Variants in MAP3K2 observed in about 807,000 individuals in gnomAD.
The protein encoded by MAP3K2 is MAP/ERK kinase kinase 2.
MAP3K2 carries 24 observed loss-of-function variants against 80.3 expected under a neutral mutation model. That is an observed-to-expected ratio of 0.30 (90% CI 0.22 to 0.42). The LOEUF (loss-of-function observed/expected upper bound fraction) is 0.42. MAP3K2 is among the 10% of genes least tolerant of loss of function. The pLI is 1.00. For missense variants in MAP3K2, 608 were observed against 750.1 expected, an observed-to-expected ratio of 0.81 and a Z score of 2.21; for synonymous variants, 244 against 253.7, an observed-to-expected ratio of 0.96 and a Z score of 0.36.
rs1331909042 is a variant in MAP3K2 at position 127,299,694 on chromosome 2, G to T, written c.*7885C>A. 1.3e-5 allele frequency: 2 copies of T among 151,956 alleles called. No individual in the cohort carries two copies. The highest frequency in any genetic ancestry group is 2.9e-5 in the Non-Finnish European group (2 of 67,982). The allele number at this position is 151,956 out of a possible 1,614,324, so 9.4% of individuals were successfully genotyped here. ...TTTTTCTTGCAAGAGTATTTTAATT[G>T]AGCTCTAAGTATGACTTGCATTCAA... On this transcript the variant is annotated 3_prime_UTR_variant, in exon 17 of 17. Transcript: ENST00000682094.
At chr2:127,377,690 A>G (rs1398218292) in intron 1 of MAP3K2, among the ~76,000 whole-genome samples, 1 of 152,234 alleles carries the variant, frequency 6.6e-6, no homozygotes, top group Non-Finnish European at 1.5e-5. Context: ...ACAGTAGACA[A>G]TCAAATATTA....
chr2:127,351,753 G>T (rs145880700), intron 1 of MAP3K2, among the ~76,000 whole-genome samples: 1 of 152,196 alleles, frequency 6.6e-6, no homozygotes, highest in African/African-American at 2.4e-5. Context: ...AAGTAAGTCA[G>T]AGAATGTTAA....
rs1685755763 is a variant in MAP3K2, at chr2:127,308,727, T to G, written c.1492A>C (p.Lys498Gln). ...NILRDSTGNVKLGDFGASKRL... is the reference protein window; with the variant it reads ...NILRDSTGNVQLGDFGASKRL... ...TTGCTGGCCCCAAAATCTCCTAGTT[T>G]GACGTTGCCTGTTGAATCTCGCAGG... is the stretch of plus-strand genomic sequence containing the variant. The change falls in exon 16 of 17, where the codon AAA becomes CAA. Residue 498 changes from lysine (K) to glutamine (Q), a missense_variant. Lys to Gln is a moderately conservative substitution (Grantham distance 53). Coordinates refer to ENST00000682094, the MANE Select transcript of MAP3K2 (RefSeq NM_001371910.2). 1 of 1,613,868 alleles carries G rather than the reference T, an allele frequency of 6.2e-7. No homozygotes were observed. Among genetic ancestry groups the G allele is most frequent in the Non-Finnish European group, 8.5e-7 (1 of 1,179,816 alleles).
chr2:127,367,937 C>A (rs1475794967), intron 1 of MAP3K2, among the ~76,000 whole-genome samples: 2 of 152,210 alleles, frequency 1.3e-5, no homozygotes, highest in Admixed American at 6.5e-5. Flanking sequence ...TAGGAGCATC[C>A]AACTACAGTC....
chr2:127,347,708 G>A (rs571424319), intron 1 of MAP3K2, among the ~76,000 whole-genome samples: 1 of 152,162 alleles, frequency 6.6e-6, no homozygotes, highest in Admixed American at 6.5e-5. Context: ...AAATTCCAAT[G>A]GCCTCTTTTA....
rs976701874 is a variant in MAP3K2 at position 127,323,887 on chromosome 2, T to G, written c.838+15A>C. 13 of 1,293,036 alleles carry G rather than the reference T, an allele frequency of 1.0e-5. No individual in the cohort carries two copies. The highest frequency in any genetic ancestry group is 1.2e-5 in the Non-Finnish European group (11 of 931,922). The allele number at this position is 1,293,036 out of a possible 1,614,324, so 80.1% of individuals were successfully genotyped here. ...TTTTTTAACTATTCTTGTGGTCTAA[T>G]TGCTAGAAACTTACCATCATTATAC... is the stretch of plus-strand genomic sequence containing the variant. On this transcript the variant is annotated intron_variant, in intron 11 of 16. Coordinates refer to ENST00000682094, the MANE Select transcript of MAP3K2 (RefSeq NM_001371910.2).
intron 1 of MAP3K2, among the ~76,000 whole-genome samples, chr2:127,375,668 A>G (rs1334281911): frequency 3.9e-5 from 6 of 152,088 alleles, no homozygotes; most frequent in Non-Finnish European, 8.8e-5. Context: ...TCAGCCTCCC[A>G]AAGTGCTGGG....
At chr2:127,365,891 T>C (rs371626680) in intron 1 of MAP3K2, among the ~76,000 whole-genome samples, 2 of 152,242 alleles carry the variant, frequency 1.3e-5, no homozygotes, top group East Asian at 3.8e-4. Context: ...TATTCCATAA[T>C]ATCATAGTAG....
At chr2:127,374,417 C>G (rs1687116237) in intron 1 of MAP3K2, among the ~76,000 whole-genome samples, 1 of 152,158 alleles carries the variant, frequency 6.6e-6, no homozygotes, top group South Asian at 2.1e-4. Flanking sequence ...ACATCACTGC[C>G]TGACCAAGCC....
chr2:127,356,282 G>A (rs906840050), intron 1 of MAP3K2, among the ~76,000 whole-genome samples: 3 of 152,054 alleles, frequency 2.0e-5, no homozygotes, highest in Non-Finnish European at 4.4e-5. Flanking sequence ...TGATCCGATT[G>A]ATCAGAACAA....
chr2:127,376,714 T>C (rs1687158964), intron 1 of MAP3K2, among the ~76,000 whole-genome samples: 1 of 152,106 alleles, frequency 6.6e-6, no homozygotes, highest in African/African-American at 2.4e-5. Context: ...TTTAAGCCAC[T>C]GAGATATTGG....
At chr2:127,326,844 A>G (rs1686150728) in intron 7 of MAP3K2, 27 bp from the exon 8 acceptor site, 1 of 1,478,016 alleles carries the variant, frequency 6.8e-7, no homozygotes, top group Admixed American at 2.2e-5. Context: ...AATGTAATTT[A>G]TAATTATAGG....
chr2:127,341,372 TG>T (rs1344073693), intron 2 of MAP3K2, among the ~76,000 whole-genome samples: 3 of 151,954 alleles, frequency 2.0e-5, no homozygotes, highest in Non-Finnish European at 4.4e-5. Context: ...TGGGGCCAGT[TG>T]AACAAAACTT....
intron 10 of MAP3K2, 32 bp downstream of exon 10, chr2:127,324,142 C>A: frequency 7.1e-7 from 1 of 1,417,048 alleles, no homozygotes; most frequent in Non-Finnish European, 9.6e-7. Flanking sequence ...ATGACATAAA[C>A]ATTTAAACAT....
Position 127,324,158 on chromosome 2 carries a change from A to C in MAP3K2, c.745+16T>G. ...TGACATAAACATTTAAACATTTAGA[A>C]TTTATAAAGTCTAACCTGAAAATTC... On this transcript the variant is annotated intron_variant, in intron 10 of 16. Coordinates refer to ENST00000682094, the MANE Select transcript of MAP3K2 (RefSeq NM_001371910.2). 1 of 1,499,322 alleles carries C rather than the reference A, an allele frequency of 6.7e-7. No homozygotes were observed. The highest frequency in any genetic ancestry group is 9.0e-7 in the Non-Finnish European group (1 of 1,116,088). 92.9% of individuals were successfully genotyped at this position (1,499,322 alleles called of 1,614,324 possible).
At chr2:127,366,982 C>T (rs562225833) in intron 1 of MAP3K2, among the ~76,000 whole-genome samples, 29 of 151,506 alleles carry the variant, frequency 1.9e-4, no homozygotes, top group Admixed American at 3.3e-4. Flanking sequence ...GCCAATCTCC[C>T]GCCTCAGCCT....
At chr2:127,368,258 G>A (rs1687006021) in intron 1 of MAP3K2, among the ~76,000 whole-genome samples, 1 of 151,234 alleles carries the variant, frequency 6.6e-6, no homozygotes, top group South Asian at 2.1e-4. Flanking sequence ...GAAGGCAGAG[G>A]CTGCAGTGAG....
chr2:127,307,762 C>T lies in MAP3K2; in HGVS notation c.1677G>A (p.Pro559=), dbSNP rs373785879. ...CTVVEMLTEK[P]PWAEFEAMAA... ...CCATTGCTTCAAATTCAGCCCAAGG[C>T]GGCTTTTCAGTTAGCATTTCTACCA... Residue 559 remains proline, a synonymous_variant, in exon 17 of 17, where the codon CCG becomes CCA. Coordinates refer to ENST00000682094, the MANE Select transcript of MAP3K2 (RefSeq NM_001371910.2). The surrounding 1 kb of genome is among the most constrained non-coding windows in gnomAD (Gnocchi z 5.4). The T allele has an allele frequency of 1.6e-5, 26 of 1,595,588 alleles. No individual in the cohort carries two copies. The highest frequency in any genetic ancestry group is 1.3e-4 in the East Asian group (6 of 44,450).
chr2:127,341,537 T>TC (rs1486240523), intron 2 of MAP3K2, among the ~76,000 whole-genome samples: 3 of 139,974 alleles, frequency 2.1e-5, no homozygotes, highest in African/African-American at 8.0e-5. Flanking sequence ...GTTGTTTTTT[T>TC]TTTTTTTTTT....
Sources: gnomAD v4.1 joint callset for allele counts (sites outside exome capture counted in the v4.1 genomes callset) on GRCh38, gnomAD v4.1.1 for gene constraint, Gnocchi (gnomAD v3.1) non-coding constraint, MANE v1.5 for transcripts, NCBI Gene and HGNC (gene_info 2026-07-23, HGNC 2026-07-21) for gene names.